PALM2AKAP2: variants seen among roughly 807,000 people sequenced by gnomAD.
PALM2AKAP2 encodes the protein PALM2 and AKAP2 fusion, also known as PALM2-AKAP2 fusion protein.
Under a neutral mutation model 71.5 loss-of-function variants are expected in PALM2AKAP2, and 37 were observed. That is an observed-to-expected ratio of 0.52 (90% CI 0.40 to 0.68). The LOEUF is 0.68. PALM2AKAP2 is among the 30% of genes least tolerant of loss of function. The pLI, the probability that PALM2AKAP2 is intolerant of heterozygous loss-of-function variation, is 0.00. For synonymous variants in PALM2AKAP2, 468 were observed against 478.8 expected (o/e 0.98, Z 0.29); for missense variants, 1,224 against 1,191.8 (o/e 1.03, Z -0.40).
At chr9:109,724,914 G>A (rs1828454669) in intron 1 of PALM2AKAP2, among the ~76,000 whole-genome samples, 1 of 152,090 alleles carries the variant, frequency 6.6e-6, no homozygotes, top group Admixed American at 6.6e-5. Flanking sequence ...GAAAAAAACA[G>A]TGTTAAATGA....
chr9:109,934,748 C>G (rs959510130), intron 6 of PALM2AKAP2, among the ~76,000 whole-genome samples: 1 of 152,188 alleles, frequency 6.6e-6, no homozygotes. Flanking sequence ...CAGCCTCACT[C>G]CGTTTATCCA....
At position 109,701,579 on chromosome 9, in the gene PALM2AKAP2, A is replaced by C. The variant is rs576729541; in HGVS notation, c.5+60713A>C. Among the ~76,000 whole-genome samples, 3 of 152,372 alleles carry C rather than the reference A, an allele frequency of 2.0e-5. No individual in the cohort carries two copies. The South Asian group carries it at 6.2e-4, about 32-fold the overall frequency. ...AAACTGGATCCCTTCCTTACACCTT[A>C]TACAAAAATTAATTCAAGATGGATT... On this transcript the variant is annotated intron_variant, in intron 1 of 6. Transcript: ENST00000374531.
chr9:109,780,539 T>C lies in PALM2AKAP2; in HGVS notation c.45+6T>C. 6.2e-7 allele frequency: 1 copy of C among 1,613,586 alleles called. No individual in the cohort carries two copies. ...AAAGGCTGCAAGCCATAGCAGTAAG[T>C]CCACTTTCATTTTATTTTCTTGCTC... is the stretch of plus-strand genomic sequence containing the variant. On this transcript the variant is annotated splice_donor_region_variant and intron_variant, in intron 1 of 9. Transcript: ENST00000302798.
intron 1 of PALM2AKAP2, among the ~76,000 whole-genome samples, chr9:110,111,770 A>G (rs558911793): frequency 6.6e-6 from 1 of 152,322 alleles, no homozygotes; most frequent in East Asian, 1.9e-4. Flanking sequence ...AAAAAATGGA[A>G]GGATGAACAT....
chr9:109,867,683 C>A, intron 2 of PALM2AKAP2, 112 bp downstream of exon 2: 4 of 1,219,282 alleles, frequency 3.3e-6, no homozygotes, highest in Middle Eastern at 2.8e-4. Flanking sequence ...CCAAACCAGC[C>A]TTTTTCATTC....
At chr9:109,811,383 T>C (rs1379017256) in intron 1 of PALM2AKAP2, among the ~76,000 whole-genome samples, 1 of 151,982 alleles carries the variant, frequency 6.6e-6, no homozygotes, top group African/African-American at 2.4e-5. Flanking sequence ...TGCGGGGCAG[T>C]GAAGGGGTGG....
At chr9:109,754,732 A>C (rs1233642253) in intron 1 of PALM2AKAP2, among the ~76,000 whole-genome samples, 12 of 152,260 alleles carry the variant, frequency 7.9e-5, no homozygotes, top group Non-Finnish European at 1.2e-4. Context: ...TGAGAGGAGA[A>C]GCAAGCTCTC....
At position 109,838,335 on chromosome 9, in the gene PALM2AKAP2, C is replaced by T. The variant is rs550960340; in HGVS notation, c.46-29156C>T. Among the ~76,000 whole-genome samples, 4 of 152,226 alleles carry T rather than the reference C, an allele frequency of 2.6e-5. No individual in the cohort carries two copies. The East Asian group carries it at 5.8e-4, about 22-fold the overall frequency. On this transcript the variant is annotated intron_variant, in intron 1 of 9. Transcript: ENST00000302798. ...AGATGTTCTTTGAAACCAATGAGAA[C>T]AAAGACACAACATACCAGAATCTCC...
Position 109,874,966 on chromosome 9 carries a change from T to C in PALM2AKAP2, c.127-5585T>C, listed in dbSNP as rs541865293. Among the ~76,000 whole-genome samples, 3 of 152,318 alleles carry C rather than the reference T, an allele frequency of 2.0e-5. No homozygotes were observed. In the East Asian group the frequency reaches 5.8e-4, roughly 29 times the overall value. On this transcript the variant is annotated intron_variant, in intron 2 of 9. Transcript: ENST00000302798. ...ACTTGAACCATGCAATAAACTCCCA[T>C]CACTTGTACTTTGTAATCCTGCCCC...
intron 1 of PALM2AKAP2, among the ~76,000 whole-genome samples, chr9:109,678,888 A>T (rs1329659100): frequency 3.9e-5 from 6 of 152,180 alleles, no homozygotes; most frequent in Non-Finnish European, 8.8e-5. Context: ...GGAATATTTT[A>T]TCTAAGTGTG....
intron 3 of PALM2AKAP2, among the ~76,000 whole-genome samples, chr9:109,892,250 G>C (rs1014718571): frequency 6.6e-6 from 1 of 152,136 alleles, no homozygotes; most frequent in African/African-American, 2.4e-5. Flanking sequence ...TCCTTGGCTT[G>C]TGGCTGTGTC....
intron 1 of PALM2AKAP2, among the ~76,000 whole-genome samples, chr9:109,764,780 A>G (rs1404292366): frequency 6.6e-6 from 1 of 151,636 alleles, no homozygotes; most frequent in Admixed American, 6.6e-5. Flanking sequence ...AGATGGATGC[A>G]TGGGTAGATG....
chr9:109,835,919 G>C (rs1000156288), intron 1 of PALM2AKAP2, among the ~76,000 whole-genome samples: 3 of 152,234 alleles, frequency 2.0e-5, no homozygotes, highest in Non-Finnish European at 4.4e-5. Flanking sequence ...AGCTCAAGGA[G>C]GCCTGCCTGC....
At chr9:109,725,168 G>A (rs1354977416) in intron 1 of PALM2AKAP2, among the ~76,000 whole-genome samples, 1 of 152,128 alleles carries the variant, frequency 6.6e-6, no homozygotes, top group African/African-American at 2.4e-5. Context: ...GGAGCCTAGG[G>A]TTGGCAAGAA....
chr9:109,742,251 T>TCACACACA (rs72323941), intron 1 of PALM2AKAP2, among the ~76,000 whole-genome samples: 9 of 145,502 alleles, frequency 6.2e-5, no homozygotes, highest in Middle Eastern at 7.0e-3. Flanking sequence ...TGTGATGTAT[T>TCACACACA]CACACACACA....
At chr9:109,864,255 G>T (rs1279364431) in intron 1 of PALM2AKAP2, among the ~76,000 whole-genome samples, 2 of 152,130 alleles carry the variant, frequency 1.3e-5, no homozygotes, top group African/African-American at 4.8e-5. Context: ...AACCCAATAA[G>T]GAGTTTCCTC....
chr9:109,895,348 A>C (rs984081674), intron 3 of PALM2AKAP2, among the ~76,000 whole-genome samples: 1 of 152,218 alleles, frequency 6.6e-6, no homozygotes, highest in African/African-American at 2.4e-5. Context: ...CTGACATTTT[A>C]ATATTAGCCA....
At chr9:109,904,617 A>G (rs1192003924) in intron 3 of PALM2AKAP2, among the ~76,000 whole-genome samples, 1 of 152,172 alleles carries the variant, frequency 6.6e-6, no homozygotes, top group Non-Finnish European at 1.5e-5. Context: ...TTCAGCAGGT[A>G]ATTCTCCCTT....
intron 1 of PALM2AKAP2, among the ~76,000 whole-genome samples, chr9:109,800,245 G>A (rs184327342): frequency 1.2e-4 from 19 of 152,192 alleles, no homozygotes; most frequent in Non-Finnish European, 2.8e-4. Context: ...CTAATTTTAG[G>A]GCCAAAGAAC....
Sources: gnomAD v4.1 joint callset for allele counts (sites outside exome capture counted in the v4.1 genomes callset) on GRCh38, gnomAD v4.1.1 for gene constraint, MANE v1.5 for transcripts, NCBI Gene and HGNC (gene_info 2026-07-23, HGNC 2026-07-21) for gene names.